SLX4IP: variants seen among roughly 807,000 people sequenced by gnomAD.
SLX4IP encodes protein SLX4IP.
In SLX4IP, 34 loss-of-function variants were observed where a neutral mutation model predicts 32.9. That is an observed-to-expected ratio of 1.03 (90% CI 0.79 to 1.38). The LOEUF is 1.38. SLX4IP is among the 40% of genes most tolerant of loss of function. SLX4IP has a pLI of 0.00. For synonymous variants in SLX4IP, 172 were observed against 171.7 expected, an observed-to-expected ratio of 1.00 and a Z score of -0.01; for missense variants, 444 against 479.0, an observed-to-expected ratio of 0.93 and a Z score of 0.68.
At chr20:10,589,679 A>G (rs942805331) in intron 4 of SLX4IP, among the ~76,000 whole-genome samples, 1 of 152,218 alleles carries the variant, frequency 6.6e-6, no homozygotes, top group Non-Finnish European at 1.5e-5. Context: ...TATCATACAC[A>G]AAGTCAATGT....
intron 4 of SLX4IP, among the ~76,000 whole-genome samples, chr20:10,574,186 G>A (rs1372450319): frequency 1.3e-5 from 2 of 152,184 alleles, no homozygotes; most frequent in Admixed American, 6.5e-5. Flanking sequence ...CAGAGTTGCA[G>A]TGACTGATAC....
intron 4 of SLX4IP, among the ~76,000 whole-genome samples, chr20:10,568,397 G>T (rs2066420438): frequency 6.6e-6 from 1 of 152,176 alleles, no homozygotes; most frequent in African/African-American, 2.4e-5. Flanking sequence ...TGTGTTCGCT[G>T]TTCACTGAGA....
At chr20:10,507,967 T>G (rs930596780) in intron 2 of SLX4IP, among the ~76,000 whole-genome samples, 21 of 151,636 alleles carry the variant, frequency 1.4e-4, no homozygotes, top group African/African-American at 3.6e-4. Flanking sequence ...GTATATTTGA[T>G]ATATATATAC....
chr20:10,603,318 T>TC (rs899822980), intron 6 of SLX4IP, among the ~76,000 whole-genome samples: 2 of 152,222 alleles, frequency 1.3e-5, no homozygotes, highest in Non-Finnish European at 2.9e-5. Flanking sequence ...TGAAATATTA[T>TC]CCCCCTTAGG....
chr20:10,613,951 C>T (rs1318997586), intron 6 of SLX4IP: 5 of 1,177,716 alleles, frequency 4.2e-6, no homozygotes, highest in Non-Finnish European at 6.4e-6. Flanking sequence ...TGGATGAGCA[C>T]AGGAGAGTCC....
At chr20:10,455,830 C>T (rs569584139) in intron 1 of SLX4IP, among the ~76,000 whole-genome samples, 2 of 152,058 alleles carry the variant, frequency 1.3e-5, no homozygotes, top group Admixed American at 6.6e-5. Flanking sequence ...AGGGTTGTCT[C>T]GAACTCCTGG....
chr20:10,510,775 T>G (rs1325614909), intron 2 of SLX4IP, among the ~76,000 whole-genome samples: 1 of 152,008 alleles, frequency 6.6e-6, no homozygotes, highest in African/African-American at 2.4e-5. Context: ...TGTCTAACTT[T>G]TTGTATTTTT....
chr20:10,613,071 G>A (rs1439275595), intron 6 of SLX4IP: 1 of 280,422 alleles, frequency 3.6e-6, no homozygotes, highest in African/African-American at 2.2e-5. Context: ...TGGGTAGAGA[G>A]CCTATTCTAA....
intron 7 of SLX4IP, 79 bp from the exon 8 acceptor site, chr20:10,622,580 G>GA: frequency 6.6e-7 from 1 of 1,512,046 alleles, no homozygotes; most frequent in East Asian, 2.3e-5. Context: ...TCAGGTGTAG[G>GA]AAATGTGGTA....
intron 2 of SLX4IP, among the ~76,000 whole-genome samples, chr20:10,491,881 G>T (rs1407531226): frequency 2.6e-5 from 4 of 152,094 alleles, no homozygotes; most frequent in Admixed American, 2.0e-4. Flanking sequence ...CCTGAATTTG[G>T]TATGTTTTAT....
At chr20:10,549,683 G>A (rs2066199461) in intron 2 of SLX4IP, among the ~76,000 whole-genome samples, 1 of 152,176 alleles carries the variant, frequency 6.6e-6, no homozygotes, top group Non-Finnish European at 1.5e-5. Flanking sequence ...CCTGGGTCTG[G>A]CACTCACTGC....
intron 2 of SLX4IP, among the ~76,000 whole-genome samples, chr20:10,489,550 A>G (rs570936291): frequency 1.3e-5 from 2 of 152,280 alleles, no homozygotes; most frequent in South Asian, 4.1e-4. Flanking sequence ...GTTTGATACC[A>G]TTTGCCCTTC....
intron 1 of SLX4IP, among the ~76,000 whole-genome samples, chr20:10,448,386 G>A (rs975922513): frequency 6.6e-6 from 1 of 152,156 alleles, no homozygotes; most frequent in Non-Finnish European, 1.5e-5. Context: ...GAGGTGGGAA[G>A]AATTAAATGC....
chr20:10,538,880 G>A (rs973571080), intron 2 of SLX4IP, among the ~76,000 whole-genome samples: 18 of 152,132 alleles, frequency 1.2e-4, no homozygotes, highest in African/African-American at 3.9e-4. Flanking sequence ...TCACCAATAG[G>A]TGCTGATTCA....
intron 2 of SLX4IP, among the ~76,000 whole-genome samples, chr20:10,475,301 G>T (rs1298262857): frequency 6.6e-6 from 1 of 152,228 alleles, no homozygotes; most frequent in African/African-American, 2.4e-5. Context: ...GGAAAGTGAG[G>T]ATCTCAGAAG....
At position 10,623,743 on chromosome 20, in the gene SLX4IP, A is replaced by C. The variant is rs970817027; in HGVS notation, c.*364A>C. 1 of 209,056 alleles carries C rather than the reference A, an allele frequency of 4.8e-6. No individual in the cohort carries two copies. The highest frequency in any genetic ancestry group is 9.7e-6 in the Non-Finnish European group (1 of 103,178). 13.0% of individuals were successfully genotyped at this position (209,056 alleles called of 1,614,324 possible). ...TGCAGACCACACAATGGACCGTGCA[A>C]AGACAGTGCTGCCGTGCTGCCTTTC... On this transcript the variant is annotated 3_prime_UTR_variant, in exon 8 of 8. Transcript: ENST00000334534.
intron 4 of SLX4IP, among the ~76,000 whole-genome samples, chr20:10,587,541 A>G (rs2066659986): frequency 6.6e-6 from 1 of 152,120 alleles, no homozygotes; most frequent in African/African-American, 2.4e-5. Flanking sequence ...TTTTTGGTAC[A>G]TGGTATGATT....
At chr20:10,555,904 T>G (rs2066261893) in intron 2 of SLX4IP, among the ~76,000 whole-genome samples, 1 of 152,202 alleles carries the variant, frequency 6.6e-6, no homozygotes, top group African/African-American at 2.4e-5. Context: ...ACTGACCTAT[T>G]TAACTTCTCT....
chr20:10,520,390 GTTGAA>G (rs1320507897), intron 2 of SLX4IP, among the ~76,000 whole-genome samples: 1 of 152,148 alleles, frequency 6.6e-6, no homozygotes. Context: ...TCTTTTTATT[GTTGAA>G]TTGTAAGTGT....
Sources: allele counts gnomAD v4.1 joint callset (sites outside exome capture counted in the v4.1 genomes callset), GRCh38; gene constraint gnomAD v4.1.1; transcripts MANE v1.5; gene names NCBI Gene and HGNC (gene_info 2026-07-23, HGNC 2026-07-21).